ANKH: variants seen among roughly 807,000 people sequenced by gnomAD.
The protein encoded by ANKH is mineralization regulator ANKH.
ANKH carries 15 observed loss-of-function variants against 49.0 expected under a neutral mutation model. That is an observed-to-expected ratio of 0.31 (90% CI 0.20 to 0.47). The LOEUF (loss-of-function observed/expected upper bound fraction) is 0.47, where lower values mean the gene tolerates loss of function less well. ANKH is among the 20% of genes least tolerant of loss of function. The pLI is 1.00. For missense variants in ANKH, 429 were observed against 652.0 expected (o/e 0.66, Z 3.72); for synonymous variants, 273 against 260.0 (o/e 1.05, Z -0.48).
intron 1 of ANKH, among the ~76,000 whole-genome samples, chr5:14,781,107 G>A (rs1739792297): frequency 6.6e-6 from 1 of 152,202 alleles, no homozygotes; most frequent in Non-Finnish European, 1.5e-5. Flanking sequence ...TTATTGTTCT[G>A]TTGGTCTGAG....
rs889243228 is a variant in ANKH, at chr5:14,707,910, G to GA, written c.*3286dup. ...AAACCCGATGCAGGCAGTCATGGGG[G>GA]ATGACTGTTTTTTACCCAGAAATGC... On this transcript the variant is annotated 3_prime_UTR_variant, in exon 12 of 12. Transcript: ENST00000284268. The GA allele has an allele frequency of 1.1e-3, 170 of 152,292 alleles. 1 individual carries two copies. The highest frequency in any genetic ancestry group is 3.7e-3 in the African/African-American group (154 of 41,566). 9.4% of individuals were successfully genotyped at this position (152,292 alleles called of 1,614,324 possible). A position where few individuals can be genotyped will look rare whatever the true frequency, so the allele number is the denominator to read the frequency against.
chr5:14,847,977 T>C (rs1742012571), intron 1 of ANKH, among the ~76,000 whole-genome samples: 1 of 152,154 alleles, frequency 6.6e-6, no homozygotes, highest in African/African-American at 2.4e-5. Flanking sequence ...ACCCCAGCTC[T>C]ACTAAAAATA....
At chr5:14,845,237 A>G (rs899297286) in intron 1 of ANKH, among the ~76,000 whole-genome samples, 1 of 151,988 alleles carries the variant, frequency 6.6e-6, no homozygotes, top group African/African-American at 2.4e-5. Context: ...TCTAGCTTGG[A>G]TGAATAACGA....
intron 3 of ANKH, among the ~76,000 whole-genome samples, chr5:14,756,206 G>A (rs1273033243): frequency 6.6e-6 from 1 of 152,190 alleles, no homozygotes; most frequent in African/African-American, 2.4e-5. Flanking sequence ...GCGCTATTAG[G>A]TTTGTATGCC....
intron 1 of ANKH, among the ~76,000 whole-genome samples, chr5:14,850,260 C>G (rs1742086951): frequency 6.6e-6 from 1 of 152,190 alleles, no homozygotes. Context: ...TGGGCCAAGG[C>G]TGCACATTCA....
intron 8 of ANKH, among the ~76,000 whole-genome samples, chr5:14,721,839 A>T (rs965966349): frequency 1.4e-5 from 2 of 146,086 alleles, no homozygotes; most frequent in Admixed American, 7.1e-5. Flanking sequence ...CTGAGGCAGG[A>T]GAATGGCGTG....
intron 2 of ANKH, among the ~76,000 whole-genome samples, chr5:14,759,686 G>T (rs1739011020): frequency 6.6e-6 from 1 of 151,676 alleles, no homozygotes; most frequent in African/African-American, 2.4e-5. Flanking sequence ...GAGCCCAGGA[G>T]TTCAAGGGTA....
At chr5:14,820,666 C>A (rs988543268) in intron 1 of ANKH, among the ~76,000 whole-genome samples, 2 of 152,184 alleles carry the variant, frequency 1.3e-5, no homozygotes, top group Non-Finnish European at 2.9e-5. Context: ...AGGATTCCCA[C>A]TAAACTGACT....
chr5:14,757,430 ATTTT>A (rs1243593041), intron 3 of ANKH, among the ~76,000 whole-genome samples: 29 of 113,800 alleles, frequency 2.5e-4, no homozygotes, highest in South Asian at 5.9e-4. Context: ...ATATATATAT[ATTTT>A]TTTTTTTTTT....
chr5:14,790,075 C>CT (rs1740116419), intron 1 of ANKH, among the ~76,000 whole-genome samples: 1 of 152,310 alleles, frequency 6.6e-6, no homozygotes, highest in Admixed American at 6.5e-5. Flanking sequence ...TAAAGTAAGT[C>CT]TTATGATACC....
At chr5:14,771,710 C>T (rs758548735) in intron 1 of ANKH, among the ~76,000 whole-genome samples, 1 of 152,022 alleles carries the variant, frequency 6.6e-6, no homozygotes, top group Non-Finnish European at 1.5e-5. Flanking sequence ...CCCTTGAGGA[C>T]AGGAGTTCAA....
intron 1 of ANKH, among the ~76,000 whole-genome samples, chr5:14,824,117 T>C (rs1188349145): frequency 2.0e-5 from 3 of 152,010 alleles, no homozygotes; most frequent in Non-Finnish European, 2.9e-5. Context: ...TCCACAGCCA[T>C]AGAGGCTGAA....
intron 1 of ANKH, among the ~76,000 whole-genome samples, chr5:14,854,318 T>C (rs1347842998): frequency 6.6e-6 from 1 of 152,222 alleles, no homozygotes; most frequent in East Asian, 1.9e-4. Flanking sequence ...AACATTTCAC[T>C]AAATCTACTA....
intron 1 of ANKH, among the ~76,000 whole-genome samples, chr5:14,821,137 T>A (rs932995580): frequency 4.0e-5 from 6 of 151,792 alleles, no homozygotes; most frequent in African/African-American, 1.5e-4. Flanking sequence ...CTTCAAAACA[T>A]GCCAAGACCT....
At chr5:14,793,370 C>T (rs1740266579) in intron 1 of ANKH, among the ~76,000 whole-genome samples, 1 of 151,896 alleles carries the variant, frequency 6.6e-6, no homozygotes, top group Admixed American at 6.6e-5. Context: ...CTAAATGTTC[C>T]TCAGCCATGG....
chr5:14,712,849 G>A, intron 11 of ANKH, 25 bp downstream of exon 11: 1 of 1,577,200 alleles, frequency 6.3e-7, no homozygotes, highest in Admixed American at 1.8e-5. Flanking sequence ...CACCCGGGAG[G>A]AGGCTCCCGG....
intron 1 of ANKH, among the ~76,000 whole-genome samples, chr5:14,852,399 A>G (rs564810158): frequency 2.1e-5 from 2 of 94,172 alleles, no homozygotes; most frequent in East Asian, 7.2e-4. Flanking sequence ...TTAGGTCACA[A>G]CAAATTACAG....
At chr5:14,786,992 G>A (rs1328667462) in intron 1 of ANKH, among the ~76,000 whole-genome samples, 1 of 152,196 alleles carries the variant, frequency 6.6e-6, no homozygotes, top group Non-Finnish European at 1.5e-5. Context: ...AACATGAAGT[G>A]AAAGTCAATG....
At chr5:14,858,664 C>T (rs1417731985) in intron 1 of ANKH, among the ~76,000 whole-genome samples, 7 of 150,860 alleles carry the variant, frequency 4.6e-5, no homozygotes, top group Non-Finnish European at 7.4e-5. Context: ...TGCAGTGAGC[C>T]GAGATCGGGC....
Sources: gnomAD v4.1 joint callset for allele counts (sites outside exome capture counted in the v4.1 genomes callset) on GRCh38, gnomAD v4.1.1 for gene constraint, MANE v1.5 for transcripts, NCBI Gene and HGNC (gene_info 2026-07-23, HGNC 2026-07-21) for gene names.